GRTP1: variants seen among roughly 807,000 people sequenced by gnomAD.
The protein encoded by GRTP1 is growth hormone-regulated TBC protein 1.
GRTP1 carries 56 observed loss-of-function variants against 38.1 expected under a neutral mutation model. The ratio of observed to expected loss-of-function variants is 1.47; its 90% CI spans 1.19 to 1.84. The LOEUF is 1.84. Among genes scored for constraint, GRTP1 ranks in the 40% most tolerant of loss-of-function variants. The pLI, the probability that GRTP1 is intolerant of heterozygous loss-of-function variation, is 0.00. For synonymous variants in GRTP1, 217 were observed against 189.5 expected (o/e 1.14, Z -1.19); for missense variants, 506 against 453.9 (o/e 1.11, Z -1.04).
rs570787070 is a variant in GRTP1, at chr13:113,337,279, G to A, written c.562+7584C>T. 2.6e-5 allele frequency among the ~76,000 whole-genome samples: 4 copies of A among 152,286 alleles called. No homozygotes were observed. In the South Asian group the frequency reaches 8.3e-4, roughly 32 times the overall value. On this transcript the variant is annotated intron_variant, in intron 5 of 7. Transcript: ENST00000375431. ...CACTGTACTCCAGCCTGGCAACAGT[G>A]AGATCCTGTATCCAATAAATAATAA...
rs2042950925 is a variant in GRTP1 at position 113,336,125 on chromosome 13, C to T, written c.562+8738G>A. 3.3e-5 allele frequency among the ~76,000 whole-genome samples: 5 copies of T among 152,242 alleles called. No homozygotes were observed. The South Asian group carries it at 1.0e-3, about 32-fold the overall frequency. On this transcript the variant is annotated intron_variant, in intron 5 of 7. Transcript: ENST00000375431. ...ATTCTTTCTAAGGCTGAACAGCACT[C>T]TGCTGAGTGTGTGCACCCCACTTTC...
In GRTP1 at chr13:113,325,703, TA is replaced by T; in HGVS notation, c.878del (p.Ile293LysfsTer7). 2 of 1,614,226 alleles carry T rather than the reference TA, an allele frequency of 1.2e-6. No homozygotes were observed. The highest frequency in any genetic ancestry group is 4.5e-5 in the East Asian group (2 of 44,870). On this transcript the variant is annotated frameshift_variant, in exon 7 of 8. Coordinates refer to ENST00000375431, the MANE Select transcript of GRTP1 (RefSeq NM_024719.4). LOFTEE classifies it low-confidence loss of function (END_TRUNC). ...ACTCCATCACGAAACTCCCTTTGGT[TA>T]TCTGCTTAAACTTATCGCAAATGTC... Reference protein sequence around the residue: ...VPDICDKFKQITKGSFVMECH... With the variant: ...VPDICDKFKQXTKGSFVMECH...
At chr13:113,336,511 G>A (rs61966579) in intron 5 of GRTP1, among the ~76,000 whole-genome samples, 148,144 of 151,896 alleles carry the variant, frequency 0.98, 72,355 homozygotes, top group East Asian at 1. Flanking sequence ...AGACACCATC[G>A]CTGGGAGACT....
At chr13:113,329,734 C>T (rs531228826) in intron 5 of GRTP1, among the ~76,000 whole-genome samples, 7 of 152,358 alleles carry the variant, frequency 4.6e-5, no homozygotes, top group Non-Finnish European at 8.8e-5. Flanking sequence ...ATAGAAAAGA[C>T]GACCCAGGCT....
chr13:113,361,442 C>G (rs927190790), intron 2 of GRTP1: 10 of 152,108 alleles, frequency 6.6e-5, no homozygotes, highest in African/African-American at 2.4e-4. Context: ...AGCTCCTGGT[C>G]GAAGAAAAGG....
At chr13:113,352,323 T>TTTTTATATATA (rs1555319006) in intron 3 of GRTP1, among the ~76,000 whole-genome samples, 6 of 59,860 alleles carry the variant, frequency 1.0e-4, no homozygotes, top group South Asian at 5.5e-4. Flanking sequence ...TTTATATATA[T>TTTTTATATATA]TTTTATATAT....
At chr13:113,359,708 C>T (rs527344724) in intron 2 of GRTP1, 9 of 152,170 alleles carry the variant, frequency 5.9e-5, no homozygotes, top group African/African-American at 2.2e-4. Context: ...GTTTCCTCAT[C>T]GTAAAGTGAA....
At chr13:113,337,483 C>T (rs372394162) in intron 5 of GRTP1, among the ~76,000 whole-genome samples, 8 of 152,270 alleles carry the variant, frequency 5.3e-5, no homozygotes, top group Middle Eastern at 3.4e-3. Context: ...AATGGAAAAG[C>T]GGCAATGACT....
chr13:113,326,468 A>G lies in GRTP1; in HGVS notation c.563-377T>C, dbSNP rs1018456512. Among the ~76,000 whole-genome samples, 14 of 146,282 alleles carry G rather than the reference A, an allele frequency of 9.6e-5. No individual in the cohort carries two copies. In the East Asian group the frequency reaches 2.2e-3, roughly 23 times the overall value. ...GTGGATCACCTAAAGTCAGGAGTTC[A>G]AGACCAGCCTGGCTGACATGGCTGA... On this transcript the variant is annotated intron_variant, in intron 5 of 7. Transcript: ENST00000375431.
At position 113,349,041 on chromosome 13, in the gene GRTP1, T is replaced by C. The variant is rs1042222530; in HGVS notation, c.465+1808A>G. On this transcript the variant is annotated intron_variant, in intron 4 of 7. Coordinates refer to ENST00000375431, the MANE Select transcript of GRTP1 (RefSeq NM_024719.4). The surrounding 1 kb of genome is among the most constrained non-coding windows in gnomAD (Gnocchi z 5.0). ...AGTATGTAACATTGTGTTTGTGCCT[T>C]GTTTTTTAAGAATAGAGATGGGGTC... Among the ~76,000 whole-genome samples the C allele has an allele frequency of 2.2e-4, 33 of 152,236 alleles. No individual in the cohort carries two copies. Among genetic ancestry groups the C allele is most frequent in the Non-Finnish European group, 8.8e-5 (6 of 68,040 alleles).
At chr13:113,331,210 G>C (rs923387263) in intron 5 of GRTP1, among the ~76,000 whole-genome samples, 1 of 152,146 alleles carries the variant, frequency 6.6e-6, no homozygotes, top group Admixed American at 6.5e-5. Context: ...GCCCAGCCCC[G>C]GCTTCCATCC....
chr13:113,329,320 G>T (rs778317330), intron 5 of GRTP1, among the ~76,000 whole-genome samples: 1 of 152,214 alleles, frequency 6.6e-6, no homozygotes, highest in Non-Finnish European at 1.5e-5. Context: ...GCTCACACCT[G>T]TAATCGCAGC....
chr13:113,346,028 G>A (rs1406025761), intron 4 of GRTP1, among the ~76,000 whole-genome samples: 31 of 57,358 alleles, frequency 5.4e-4, no homozygotes, highest in South Asian at 3.5e-3. Flanking sequence ...GAGCAGACCT[G>A]GGAAGACATC....
chr13:113,362,522 G>T (rs181178596), intron 2 of GRTP1, among the ~76,000 whole-genome samples: 1 of 152,164 alleles, frequency 6.6e-6, no homozygotes, highest in Non-Finnish European at 1.5e-5. Context: ...AGTGGTCCCA[G>T]CTATGCGGGA....
intron 2 of GRTP1, 110 bp downstream of exon 2, chr13:113,363,652 C>T (rs2043542151): frequency 1.8e-5 from 21 of 1,163,574 alleles, no homozygotes; most frequent in Non-Finnish European, 2.5e-5. Context: ...CCCGACCTGC[C>T]CGGAAAGGTT....
chr13:113,351,126 G>T, intron 3 of GRTP1, 153 bp from the exon 4 acceptor site: 1 of 417,626 alleles, frequency 2.4e-6, no homozygotes, highest in Non-Finnish European at 3.2e-6. Context: ...CAGCCAGAGC[G>T]ACAGGCTCAC....
chr13:113,347,565 C>T (rs1309926073), intron 4 of GRTP1, among the ~76,000 whole-genome samples: 6 of 79,834 alleles, frequency 7.5e-5, no homozygotes, highest in African/African-American at 1.9e-4. Flanking sequence ...TGGCAGAGAG[C>T]AGACCCAGGA....
chr13:113,324,742 G>T (rs1179170015), intron 7 of GRTP1, 165 bp from the exon 8 acceptor site: 6 of 1,407,710 alleles, frequency 4.3e-6, no homozygotes, highest in Non-Finnish European at 5.5e-6. Context: ...TCTCACTCCT[G>T]CCCTGGGGCC....
intron 7 of GRTP1, chr13:113,325,271 C>G: frequency 7.9e-7 from 1 of 1,262,678 alleles, no homozygotes. Flanking sequence ...GGCGTCTTGG[C>G]TTCCTCAGAA....
Sources: allele counts gnomAD v4.1 joint callset (sites outside exome capture counted in the v4.1 genomes callset), GRCh38; gene constraint gnomAD v4.1.1; non-coding constraint Gnocchi (gnomAD v3.1); transcripts MANE v1.5; gene names NCBI Gene and HGNC (gene_info 2026-07-23, HGNC 2026-07-21).